The following BTBD9 variants were observed in gnomAD, a reference collection of about 807,000 sequenced individuals.
BTBD9 encodes the protein BTB domain containing 9.
A neutral mutation model predicts 64.3 loss-of-function variants in BTBD9; 49 were observed. That is an observed-to-expected ratio of 0.76 (90% CI 0.61 to 0.97). BTBD9 has a LOEUF of 0.97. Among genes scored for constraint, BTBD9 ranks in the 50% least tolerant of loss-of-function variants. The pLI is 0.00. For synonymous variants in BTBD9, 260 were observed against 274.7 expected (o/e 0.95, Z 0.53); for missense variants, 598 against 762.1 (o/e 0.78, Z 2.53).
intron 8 of BTBD9, among the ~76,000 whole-genome samples, chr6:38,277,752 G>A (rs548181714): frequency 6.6e-6 from 1 of 152,254 alleles, no homozygotes; most frequent in Admixed American, 6.5e-5. Flanking sequence ...AAGGGAAAAA[G>A]CCCCCACTGA....
chr6:38,510,915 C>T (rs112283390), intron 6 of BTBD9, among the ~76,000 whole-genome samples: 2 of 152,094 alleles, frequency 1.3e-5, no homozygotes, highest in Non-Finnish European at 2.9e-5. Context: ...TGCCTGAGGT[C>T]GTTTTCCGGT....
intron 1 of BTBD9, among the ~76,000 whole-genome samples, chr6:38,607,395 G>A (rs1448232838): frequency 6.6e-6 from 1 of 152,066 alleles, no homozygotes; most frequent in Non-Finnish European, 1.5e-5. Context: ...TTCATATGTG[G>A]AGCTTTGCAA....
intron 6 of BTBD9, among the ~76,000 whole-genome samples, chr6:38,359,409 C>A (rs1174474134): frequency 5.3e-5 from 8 of 152,214 alleles, no homozygotes; most frequent in Non-Finnish European, 1.2e-4. Context: ...TGACTCTCAG[C>A]AGAAAGGCAA....
intron 9 of BTBD9, among the ~76,000 whole-genome samples, chr6:38,233,297 T>C (rs1321775448): frequency 1.3e-5 from 2 of 152,244 alleles, no homozygotes; most frequent in East Asian, 3.8e-4. Context: ...TTTAAGCTCC[T>C]ACTACATGTC....
intron 6 of BTBD9, among the ~76,000 whole-genome samples, chr6:38,557,589 A>G (rs1409709761): frequency 2.0e-5 from 3 of 152,222 alleles, no homozygotes; most frequent in African/African-American, 7.2e-5. Flanking sequence ...ATCTTAGCTA[A>G]TAAATAATTT....
chr6:38,374,000 G>A (rs1474162592), intron 6 of BTBD9, among the ~76,000 whole-genome samples: 1 of 151,868 alleles, frequency 6.6e-6, no homozygotes, highest in African/African-American at 2.4e-5. Context: ...GCTAGGTGCA[G>A]TGGCTCAGGC....
At chr6:38,629,097 G>A (rs114070572) in intron 1 of BTBD9, among the ~76,000 whole-genome samples, 274 of 151,846 alleles carry the variant, frequency 1.8e-3, no homozygotes, top group African/African-American at 6.2e-3. Context: ...GAATCCATGA[G>A]ATCACTGAGA....
intron 6 of BTBD9, among the ~76,000 whole-genome samples, chr6:38,474,222 G>A (rs1384367023): frequency 1.3e-5 from 2 of 152,170 alleles, no homozygotes; most frequent in Non-Finnish European, 2.9e-5. Context: ...GGCTATTGCA[G>A]TAGTTCTGGA....
At chr6:38,620,699 G>A (rs1382767684) in intron 1 of BTBD9, among the ~76,000 whole-genome samples, 2 of 152,112 alleles carry the variant, frequency 1.3e-5, no homozygotes, top group Non-Finnish European at 2.9e-5. Context: ...AGTAACCAGG[G>A]CCCTCAGCAA....
At chr6:38,580,504 T>A (rs532921801) in intron 4 of BTBD9, 67 bp from the exon 5 acceptor site, 2 of 1,363,152 alleles carry the variant, frequency 1.5e-6, no homozygotes, top group East Asian at 4.6e-5. Context: ...TTGAAAAAAA[T>A]ACAATTCTAG....
chr6:38,549,367 C>T (rs182668046), intron 6 of BTBD9, among the ~76,000 whole-genome samples: 107 of 152,306 alleles, frequency 7.0e-4, no homozygotes, highest in African/African-American at 2.5e-3. Context: ...CTTTTGTTCC[C>T]ATGGCATTGC....
chr6:38,607,769 C>A (rs1217757914), intron 1 of BTBD9, among the ~76,000 whole-genome samples: 77 of 144,444 alleles, frequency 5.3e-4, no homozygotes, highest in South Asian at 6.6e-4. Context: ...ACTCCCAAGG[C>A]AAAAAAAAAA....
chr6:38,264,451 C>T (rs914919895), intron 8 of BTBD9, among the ~76,000 whole-genome samples: 1 of 152,188 alleles, frequency 6.6e-6, no homozygotes. Context: ...AACTTCAGCA[C>T]TTTCACCTAA....
At chr6:38,209,812 G>C (rs754718944) in intron 9 of BTBD9, among the ~76,000 whole-genome samples, 13 of 152,204 alleles carry the variant, frequency 8.5e-5, no homozygotes, top group Non-Finnish European at 1.9e-4. Context: ...ATCTAGGTAG[G>C]TGAGCATTTG....
intron 10 of BTBD9, among the ~76,000 whole-genome samples, chr6:38,178,564 G>C (rs1027008656): frequency 6.6e-6 from 1 of 152,168 alleles, no homozygotes; most frequent in Non-Finnish European, 1.5e-5. Flanking sequence ...AGCCAGGCAG[G>C]CGGTCAGGGA....
chr6:38,399,754 TTTTA>T lies in BTBD9; in HGVS notation c.1155-54665_1155-54662del, dbSNP rs1449042452. Among the ~76,000 whole-genome samples, 3 of 152,084 alleles carry T rather than the reference TTTTA, an allele frequency of 2.0e-5. No homozygotes were observed. In the East Asian group the frequency reaches 5.8e-4, roughly 29 times the overall value. On this transcript the variant is annotated intron_variant, in intron 6 of 10. Coordinates refer to ENST00000481247, the MANE Select transcript of BTBD9 (RefSeq NM_001099272.2). ...GATCTTTTCTTTCTTTCTTTGTGGT[TTTTA>T]TTTTTTTCTTGAGACAGAATTTCAC...
At chr6:38,366,018 A>C (rs1765172191) in intron 6 of BTBD9, among the ~76,000 whole-genome samples, 2 of 152,188 alleles carry the variant, frequency 1.3e-5, no homozygotes, top group Admixed American at 1.3e-4. Context: ...AAAGGATGAA[A>C]TTATATTGAA....
At chr6:38,220,276 T>C (rs1003609451) in intron 9 of BTBD9, among the ~76,000 whole-genome samples, 1 of 152,248 alleles carries the variant, frequency 6.6e-6, no homozygotes, top group African/African-American at 2.4e-5. Flanking sequence ...GGCTGTGTTC[T>C]CACAGCTCCA....
intron 6 of BTBD9, among the ~76,000 whole-genome samples, chr6:38,544,233 G>A (rs1774424276): frequency 6.6e-6 from 1 of 152,078 alleles, no homozygotes; most frequent in Non-Finnish European, 1.5e-5. Context: ...GTATACAGGA[G>A]GATATGTGTA....
Sources: gnomAD v4.1 joint callset for allele counts (sites outside exome capture counted in the v4.1 genomes callset) on GRCh38, gnomAD v4.1.1 for gene constraint, MANE v1.5 for transcripts, NCBI Gene and HGNC (gene_info 2026-07-23, HGNC 2026-07-21) for gene names.